The following FAM151A variants were observed in gnomAD, a reference collection of about 807,000 sequenced individuals.
FAM151A encodes the protein protein FAM151A.
A neutral mutation model predicts 40.4 loss-of-function variants in FAM151A; 41 were observed. The ratio of observed to expected loss-of-function variants is 1.01; its 90% CI spans 0.79 to 1.32. The LOEUF is 1.32. Ranked by LOEUF, FAM151A falls within the 40% of genes most tolerant of loss-of-function variation. FAM151A has a pLI of 0.00. For synonymous variants in FAM151A, 337 were observed against 312.5 expected (o/e 1.08, Z -0.83); for missense variants, 740 against 740.4 (o/e 1.00, Z 0.01).
chr1:54,615,790 G>A (rs777560598), intron 3 of FAM151A, among the ~76,000 whole-genome samples: 4 of 152,110 alleles, frequency 2.6e-5, no homozygotes, highest in African/African-American at 7.2e-5. Context: ...CTGTACTGCC[G>A]GCTGTCTCCC....
chr1:54,611,975 G>A (rs1230186043), intron 5 of FAM151A, among the ~76,000 whole-genome samples: 1 of 152,004 alleles, frequency 6.6e-6, no homozygotes, highest in Non-Finnish European at 1.5e-5. Flanking sequence ...AGCCTGTGCT[G>A]CCTCCTCACT....
rs1219563668 is a variant in FAM151A, at chr1:54,610,971, CATT to C, written c.941-419_941-417del. 1.0e-5 allele frequency: 10 copies of C among 985,236 alleles called. No homozygotes were observed. The East Asian group carries it at 9.1e-4, about 89-fold the overall frequency. The allele number at this position is 985,236 out of a possible 1,614,324, so 61.0% of individuals were successfully genotyped here. On this transcript the variant is annotated intron_variant, in intron 6 of 7. Coordinates refer to ENST00000302250, the MANE Select transcript of FAM151A (RefSeq NM_176782.3). ...ATGAATACAGTGGAGGCCTCTGAAA[CATT>C]AGAGTAACCAGCAGTGGAGCTATGC...
At chr1:54,622,972 C>T (rs1158129796) in intron 1 of FAM151A, among the ~76,000 whole-genome samples, 6 of 149,226 alleles carry the variant, frequency 4.0e-5, no homozygotes, top group East Asian at 2.0e-4. Flanking sequence ...GTCAGGAGTT[C>T]GAGACCAGCC....
intron 2 of FAM151A, among the ~76,000 whole-genome samples, chr1:54,617,520 C>T (rs1644185194): frequency 6.7e-6 from 1 of 150,256 alleles, no homozygotes. Flanking sequence ...GAAACCCAAA[C>T]TCTTTATCAT....
At chr1:54,611,505 C>G in intron 6 of FAM151A, 101 bp downstream of exon 6, 1 of 1,272,410 alleles carries the variant, frequency 7.9e-7, no homozygotes, top group Non-Finnish European at 1.1e-6. Context: ...CCGGCCTTCC[C>G]CCTTCTGATA....
intron 4 of FAM151A, 52 bp from the exon 5 acceptor site, chr1:54,612,762 T>A: frequency 7.1e-7 from 1 of 1,405,764 alleles, no homozygotes; most frequent in Non-Finnish European, 1.0e-6. Context: ...GGCCCCTTCC[T>A]CTCCTCTGGG....
At chr1:54,619,713 T>C in intron 2 of FAM151A, 151 bp downstream of exon 2, 1 of 756,148 alleles carries the variant, frequency 1.3e-6, no homozygotes, top group Non-Finnish European at 2.1e-6. Flanking sequence ...AGCTGGTCAC[T>C]TAACCCCTCT....
At chr1:54,614,992 G>T in intron 3 of FAM151A, 133 bp from the exon 4 acceptor site, 1 of 852,068 alleles carries the variant, frequency 1.2e-6, no homozygotes, top group Non-Finnish European at 1.8e-6. Context: ...AGGGCGGAAG[G>T]ACCAGCACCA....
intron 5 of FAM151A, among the ~76,000 whole-genome samples, chr1:54,612,122 G>C: frequency 6.9e-6 from 1 of 144,576 alleles, no homozygotes; most frequent in South Asian, 2.3e-4. Flanking sequence ...TATAGTGGGG[G>C]CAGGGGAGTC....
In FAM151A at chr1:54,614,875, C is replaced by A. The variant is rs1373191314; in HGVS notation, c.416-16G>T. 1 of 1,611,470 alleles carries A rather than the reference C, an allele frequency of 6.2e-7. No individual in the cohort carries two copies. The highest frequency in any genetic ancestry group is 1.7e-5 in the Admixed American group (1 of 59,664). On this transcript the variant is annotated splice_polypyrimidine_tract_variant and intron_variant, in intron 3 of 7. Transcript: ENST00000302250. ...AGTTTGATGCCTGTGGGGAAAGGAA[C>A]AAGGGCTTGGGGAAATGGCGAAGGA...
chr1:54,615,906 G>T, intron 3 of FAM151A, 114 bp downstream of exon 3: 3 of 1,088,622 alleles, frequency 2.8e-6, no homozygotes, highest in Non-Finnish European at 4.1e-6. Context: ...GAAAGCCAAG[G>T]CAATGAGCAC....
Position 54,609,391 on chromosome 1 carries a change from C to T in FAM151A, c.1635G>A (p.Gly545=), listed in dbSNP as rs1569775759. The T allele has an allele frequency of 1.9e-6, 3 of 1,614,138 alleles. No individual in the cohort carries two copies. The highest frequency in any genetic ancestry group is 2.5e-6 in the Non-Finnish European group (3 of 1,180,040). The part of the protein sequence containing the change: ...ATVTVEHNPA[G]GDYASVRTAL... ...CTGTCCTCACAGAGGCATAGTCGCC[C>T]CCAGCTGGGTTGTGCTCCACTGTGA... The change falls in exon 8 of 8, where the codon GGG becomes GGA. Residue 545 remains glycine (G), a synonymous_variant. Coordinates refer to ENST00000302250, the MANE Select transcript of FAM151A (RefSeq NM_176782.3).
chr1:54,611,744 A>G lies in FAM151A; in HGVS notation c.802T>C (p.Tyr268His). 6.2e-7 allele frequency: 1 copy of G among 1,613,958 alleles called. No homozygotes were observed. The highest frequency in any genetic ancestry group is 8.5e-7 in the Non-Finnish European group (1 of 1,179,932). The change falls in exon 6 of 8, where the codon TAC (tyrosine) becomes CAC (histidine). Residue 268 changes from tyrosine (Y) to histidine (H), a missense_variant and splice_region_variant. Tyr to His is a moderately conservative substitution (Grantham distance 83, BLOSUM62 2). Transcript: ENST00000302250. ...FSWLLSQSER[Y>H]SLTLWQAASD... Reference sequence around the variant, plus strand: ...GCAGCCTGCCACAGCGTCAGGCTGTACCTGGGGACACGAGAGCTGGCTCAG... The same window carrying G: ...GCAGCCTGCCACAGCGTCAGGCTGTGCCTGGGGACACGAGAGCTGGCTCAG...
In FAM151A at chr1:54,612,605, C is replaced by T; in HGVS notation, c.681G>A (p.Met227Ile). 1 of 1,614,112 alleles carries T rather than the reference C, an allele frequency of 6.2e-7. No homozygotes were observed. Among genetic ancestry groups the T allele is most frequent in the Non-Finnish European group, 8.5e-7 (1 of 1,180,006 alleles). ...CCACCAGCTCGTGCATCTTCTCCAC[C>T]ATGGCTTGGGTGTACGTCCTGTTTG... ...TSPNRTYTQA[M>I]VEKMHELVGG... is the part of the protein sequence containing the mutation. Residue 227 changes from methionine to isoleucine, a missense_variant, in exon 5 of 8, where the codon ATG becomes ATA. Met to Ile is a conservative substitution (Grantham distance 10, BLOSUM62 1). Coordinates refer to ENST00000302250, the MANE Select transcript of FAM151A (RefSeq NM_176782.3).
intron 2 of FAM151A, among the ~76,000 whole-genome samples, chr1:54,618,565 G>A (rs1045832041): frequency 6.8e-4 from 103 of 152,178 alleles, no homozygotes; most frequent in African/African-American, 2.2e-3. Context: ...CCTTCCAGAG[G>A]CTGAACCTGG....
At position 54,610,462 on chromosome 1, in the gene FAM151A, AGCCAC is replaced by A. The variant is rs1644105225; in HGVS notation, c.1029_1033del (p.Glu343AspfsTer4). The A allele has an allele frequency of 6.2e-7, 1 of 1,613,072 alleles. No homozygotes were observed. The highest frequency in any genetic ancestry group is 1.3e-5 in the African/African-American group (1 of 74,910). On this transcript the variant is annotated frameshift_variant, in exon 7 of 8. Transcript: ENST00000302250. LOFTEE classifies it high-confidence loss of function. Reference sequence around the variant, plus strand: ...ACCGCTGCCCTGGACGTCAGGAACCAGCCACTCCACATTCAGACCGTCATCCCCAG... The same window carrying A: ...ACCGCTGCCCTGGACGTCAGGAACCATCCACATTCAGACCGTCATCCCCAG...
chr1:54,612,524 G>T lies in FAM151A; in HGVS notation c.762C>A (p.Ala254=). The T allele has an allele frequency of 6.2e-7, 1 of 1,614,022 alleles. No individual in the cohort carries two copies. The highest frequency in any genetic ancestry group is 2.2e-5 in the East Asian group (1 of 44,830). ...TCAGCAGCCAGCTGAAGTGGGGCCA[G>T]GCAGCCCGCACCATGGAAGACCGTA... is the stretch of plus-strand genomic sequence containing the variant. ...FPVRSSMVRA[A]WPHFSWLLSQ... Residue 254 remains alanine (A), a synonymous_variant, in exon 5 of 8, where the codon GCC becomes GCA. Transcript: ENST00000302250.
Position 54,610,493 on chromosome 1 carries a change from G to T in FAM151A, c.1003C>A (p.Pro335Thr). The T allele has an allele frequency of 6.7e-7, 1 of 1,501,170 alleles. No individual in the cohort carries two copies. The highest frequency in any genetic ancestry group is 9.2e-7 in the Non-Finnish European group (1 of 1,088,062). 93.0% of individuals were successfully genotyped at this position (1,501,170 alleles called of 1,614,324 possible). The change falls in exon 7 of 8, where the codon CCT becomes ACT. Residue 335 changes from proline to threonine, a missense_variant. Coordinates refer to ENST00000302250, the MANE Select transcript of FAM151A (RefSeq NM_176782.3). The stretch of plus-strand genomic sequence containing the variant: ...TCCACATTCAGACCGTCATCCCCAG[G>T]CAGCTGGAGAAGAGGGATCAGGCTG... Reference protein sequence around the residue: ...GGSLIPLLQLPGDDGLNVEWL... With the variant: ...GGSLIPLLQLTGDDGLNVEWL...
rs749645766 is a variant in FAM151A at position 54,609,590 on chromosome 1, C to T, written c.1436G>A (p.Gly479Asp). The T allele has an allele frequency of 4.2e-5, 68 of 1,613,036 alleles. No individual in the cohort carries two copies. The highest frequency in any genetic ancestry group is 5.4e-5 in the Non-Finnish European group (64 of 1,180,040). Residue 479 changes from glycine to aspartate, a missense_variant, in exon 8 of 8, where the codon GGC becomes GAC. Transcript: ENST00000302250. ...EVFPHVTVAP[G>D]WPEEVLGSGY... is the part of the protein sequence containing the mutation. ...ACTGCCCAGCACCTCCTCAGGCCAG[C>T]CTGGTGCCACAGTCACGTGGGGGAA... is the stretch of plus-strand genomic sequence containing the variant.
Sources: gnomAD v4.1 joint callset for allele counts (sites outside exome capture counted in the v4.1 genomes callset) on GRCh38, gnomAD v4.1.1 for gene constraint, MANE v1.5 for transcripts, NCBI Gene and HGNC (gene_info 2026-07-23, HGNC 2026-07-21) for gene names.